The following GRM7 variants were observed in gnomAD, a reference collection of about 807,000 sequenced individuals.
GRM7 encodes the protein glutamate metabotropic receptor 7, also known as metabotropic glutamate receptor 7.
GRM7 carries 35 observed loss-of-function variants against 84.5 expected under a neutral mutation model. That is an observed-to-expected ratio of 0.41 (90% confidence interval 0.32 to 0.55). GRM7 has a LOEUF of 0.55. Ranked by LOEUF, GRM7 falls within the 20% of genes least tolerant of loss-of-function variation. The pLI is 0.19. For missense variants in GRM7, 1,003 were observed against 1,194.6 expected, an observed-to-expected ratio of 0.84 and a Z score of 2.36; for synonymous variants, 487 against 455.1, an observed-to-expected ratio of 1.07 and a Z score of -0.89.
At chr3:7,325,730 C>T (rs1382497287) in intron 4 of GRM7, among the ~76,000 whole-genome samples, 1 of 152,160 alleles carries the variant, frequency 6.6e-6, no homozygotes, top group Non-Finnish European at 1.5e-5. Flanking sequence ...TGTCTATATG[C>T]ATCTCTATAT....
intron 7 of GRM7, among the ~76,000 whole-genome samples, chr3:7,464,983 G>A (rs1353619765): frequency 2.6e-5 from 4 of 152,016 alleles, no homozygotes; most frequent in East Asian, 1.9e-4. Flanking sequence ...GCGAGAGTGC[G>A]AGACTCTGTC....
intron 1 of GRM7, among the ~76,000 whole-genome samples, chr3:6,911,481 A>C (rs1696767174): frequency 6.6e-6 from 1 of 152,148 alleles, no homozygotes; most frequent in Admixed American, 6.6e-5. Flanking sequence ...TGTCCATCAG[A>C]GTTTTCTGTG....
chr3:7,132,198 G>C (rs764053789), intron 1 of GRM7, among the ~76,000 whole-genome samples: 3 of 152,118 alleles, frequency 2.0e-5, no homozygotes, highest in Non-Finnish European at 4.4e-5. Flanking sequence ...TATGGTTACT[G>C]AGAAACAATA....
Position 7,075,509 on chromosome 3 carries a change from T to C in GRM7, c.520-70943T>C, listed in dbSNP as rs1002987856. ...CTTGCTTCTCAGATGTGTGTGTGTG[T>C]GTGTGTGTGTGTGTGTGTGTGTGTG... On this transcript the variant is annotated intron_variant, in intron 1 of 9. Transcript: ENST00000357716. Among the ~76,000 whole-genome samples, 33 of 102,886 alleles carry C rather than the reference T, an allele frequency of 3.2e-4. 1 individual carries two copies. Among genetic ancestry groups the C allele is most frequent in the African/African-American group, 9.5e-4 (33 of 34,844 alleles). 67.5% of individuals were successfully genotyped at this position (102,886 alleles called of 152,430 possible). A position where few individuals can be genotyped will look rare whatever the true frequency, so the allele number is the denominator to read the frequency against.
intron 1 of GRM7, among the ~76,000 whole-genome samples, chr3:7,040,326 G>T (rs1251135308): frequency 2.7e-5 from 4 of 150,232 alleles, no homozygotes; most frequent in African/African-American, 5.0e-5. Flanking sequence ...TTTTGGAGAT[G>T]GAGTCTCGCT....
Position 6,945,543 on chromosome 3 carries a change from A to G in GRM7, c.519+83636A>G, listed in dbSNP as rs1164560443. 1.4e-3 allele frequency among the ~76,000 whole-genome samples: 208 copies of G among 151,868 alleles called. 2 individuals carry two copies. Among genetic ancestry groups the G allele is most frequent in the African/African-American group, 4.9e-3 (203 of 41,154 alleles). ...AACATACATGTGCATGTGTCTTTAT[A>G]GCAGCATGATTTATAATCCTTTGGG... On this transcript the variant is annotated intron_variant, in intron 1 of 9. Coordinates refer to ENST00000357716, the MANE Select transcript of GRM7 (RefSeq NM_000844.4).
chr3:7,565,107 A>G (rs1694199182), intron 7 of GRM7, among the ~76,000 whole-genome samples: 1 of 152,232 alleles, frequency 6.6e-6, no homozygotes, highest in Non-Finnish European at 1.5e-5. Flanking sequence ...ATACATAGAT[A>G]TGCATTAAAT....
chr3:7,285,226 A>G (rs1699388067), intron 2 of GRM7, among the ~76,000 whole-genome samples: 1 of 152,200 alleles, frequency 6.6e-6, no homozygotes. Flanking sequence ...TTAGACCAAC[A>G]AAAGATTTTT....
intron 1 of GRM7, among the ~76,000 whole-genome samples, chr3:7,141,065 T>G (rs1693930405): frequency 6.6e-6 from 1 of 152,076 alleles, no homozygotes; most frequent in Non-Finnish European, 1.5e-5. Flanking sequence ...TACTAGTTGG[T>G]TTTTAATTGC....
intron 8 of GRM7, among the ~76,000 whole-genome samples, chr3:7,581,525 C>A (rs1322967702): frequency 2.0e-5 from 3 of 152,088 alleles, no homozygotes; most frequent in African/African-American, 7.2e-5. Context: ...TGAGAAAATA[C>A]CAGCGTGTAT....
In GRM7 at chr3:7,469,779, T is replaced by C. The variant is rs542055790; in HGVS notation, c.1515+8057T>C. The stretch of plus-strand genomic sequence containing the variant: ...TGTCAGCATCTCTGAATCTGTGATA[T>C]TTTACAAAATATATTTATAAATCAA... On this transcript the variant is annotated intron_variant, in intron 7 of 9. Transcript: ENST00000357716. Among the ~76,000 whole-genome samples, 98 of 152,214 alleles carry C rather than the reference T, an allele frequency of 6.4e-4. 1 individual carries two copies. Among genetic ancestry groups the C allele is most frequent in the Non-Finnish European group, 1.1e-3 (75 of 68,034 alleles).
At chr3:7,105,535 A>G (rs1028760531) in intron 1 of GRM7, among the ~76,000 whole-genome samples, 1 of 151,954 alleles carries the variant, frequency 6.6e-6, no homozygotes, top group Non-Finnish European at 1.5e-5. Flanking sequence ...CTGGGGAACA[A>G]TAGCTTCACT....
chr3:7,231,460 A>C (rs750747830), intron 2 of GRM7, among the ~76,000 whole-genome samples: 2 of 151,920 alleles, frequency 1.3e-5, no homozygotes, highest in African/African-American at 4.9e-5. Flanking sequence ...ATATATATAC[A>C]TATATAATGT....
chr3:7,645,546 T>TAA (rs71043684), intron 8 of GRM7, among the ~76,000 whole-genome samples: 3,104 of 87,444 alleles, frequency 0.035, 67 homozygotes, highest in African/African-American at 0.055. Context: ...GACTCCATCT[T>TAA]AAAAAAAAAA....
chr3:7,153,805 A>G (rs79541426), intron 2 of GRM7, among the ~76,000 whole-genome samples: 9,752 of 147,402 alleles, frequency 0.066, 788 homozygotes, highest in African/African-American at 0.19. Flanking sequence ...ATTCTAGTAG[A>G]AACAACAATA....
intron 2 of GRM7, among the ~76,000 whole-genome samples, chr3:7,226,297 T>C (rs1156439233): frequency 6.6e-6 from 1 of 152,148 alleles, no homozygotes; most frequent in East Asian, 1.9e-4. Flanking sequence ...TCATCTGAGA[T>C]TTGACTGAGG....
chr3:7,263,820 G>A (rs961474887), intron 2 of GRM7, among the ~76,000 whole-genome samples: 35 of 152,110 alleles, frequency 2.3e-4, no homozygotes, highest in Non-Finnish European at 4.0e-4. Flanking sequence ...TAGGTTGGGG[G>A]TTCATTCATG....
At chr3:7,170,034 G>A (rs1694931700) in intron 2 of GRM7, among the ~76,000 whole-genome samples, 1 of 152,190 alleles carries the variant, frequency 6.6e-6, no homozygotes, top group Non-Finnish European at 1.5e-5. Context: ...TTAGTTTGAG[G>A]CAGAGCCTAA....
intron 9 of GRM7, among the ~76,000 whole-genome samples, chr3:7,687,615 G>A (rs1700634649): frequency 1.3e-5 from 2 of 152,128 alleles, no homozygotes; most frequent in Admixed American, 6.5e-5. Flanking sequence ...AGTAAGCAGT[G>A]AGGTCATACC....
Sources: gnomAD v4.1 joint callset for allele counts (sites outside exome capture counted in the v4.1 genomes callset) on GRCh38, gnomAD v4.1.1 for gene constraint, MANE v1.5 for transcripts, NCBI Gene and HGNC (gene_info 2026-07-23, HGNC 2026-07-21) for gene names.